BANK1: variants seen among roughly 807,000 people sequenced by gnomAD.
The protein encoded by BANK1 is B-cell scaffold protein with ankyrin repeats.
In BANK1, 95 loss-of-function variants were observed where a neutral mutation model predicts 94.5. The ratio of observed to expected loss-of-function variants is 1.00; its 90% CI spans 0.85 to 1.19. The LOEUF is 1.19. Ranked by LOEUF, BANK1 falls within the 50% of genes most tolerant of loss-of-function variation. The pLI, the probability that BANK1 is intolerant of heterozygous loss-of-function variation, is 0.00. For missense variants in BANK1, 987 were observed against 932.2 expected (o/e 1.06, Z -0.77); for synonymous variants, 334 against 308.4 (o/e 1.08, Z -0.87).
At chr4:102,057,014 A>G (rs181314013) in intron 11 of BANK1, among the ~76,000 whole-genome samples, 2 of 152,192 alleles carry the variant, frequency 1.3e-5, no homozygotes, top group Non-Finnish European at 2.9e-5. Flanking sequence ...AAAAACAAAA[A>G]CAAAATGAAA....
intron 2 of BANK1, among the ~76,000 whole-genome samples, chr4:101,854,297 A>G (rs1433172267): frequency 2.0e-5 from 3 of 152,158 alleles, no homozygotes; most frequent in South Asian, 4.1e-4. Context: ...AACATGATCT[A>G]TTTCTCTTAA....
At chr4:101,899,224 T>A (rs1428849796) in intron 6 of BANK1, among the ~76,000 whole-genome samples, 4 of 151,952 alleles carry the variant, frequency 2.6e-5, no homozygotes, top group Non-Finnish European at 5.9e-5. Context: ...AAAAATGTAG[T>A]CCTGTAAATT....
At chr4:102,000,616 G>T (rs1300696452) in intron 7 of BANK1, among the ~76,000 whole-genome samples, 1 of 151,936 alleles carries the variant, frequency 6.6e-6, no homozygotes, top group Non-Finnish European at 1.5e-5. Context: ...TATGCAAAAG[G>T]AGAAAAAGAA....
At chr4:101,938,499 A>G (rs1441278669) in intron 7 of BANK1, among the ~76,000 whole-genome samples, 1 of 151,636 alleles carries the variant, frequency 6.6e-6, no homozygotes, top group African/African-American at 2.4e-5. Flanking sequence ...GGTGATGGAT[A>G]CCCCATTTAC....
At chr4:101,810,386 A>C (rs563301622) in intron 1 of BANK1, among the ~76,000 whole-genome samples, 9 of 152,334 alleles carry the variant, frequency 5.9e-5, no homozygotes, top group African/African-American at 1.9e-4. Context: ...TGGGCTATGC[A>C]AAAGCAAGAG....
intron 11 of BANK1, among the ~76,000 whole-genome samples, chr4:102,052,204 G>A (rs1333493914): frequency 1.4e-5 from 2 of 140,386 alleles, no homozygotes; most frequent in South Asian, 2.4e-4. Flanking sequence ...TGCAGCCTCC[G>A]CCTCCCGTGT....
At position 101,860,927 on chromosome 4, in the gene BANK1, T is replaced by C. The variant is rs1173334476; in HGVS notation, c.625-1599T>C. 3.3e-5 allele frequency among the ~76,000 whole-genome samples: 5 copies of C among 152,094 alleles called. No individual in the cohort carries two copies. In the East Asian group the frequency reaches 5.8e-4, roughly 18 times the overall value. On this transcript the variant is annotated intron_variant, in intron 3 of 16. Transcript: ENST00000322953. The stretch of plus-strand genomic sequence containing the variant: ...CTTGACTAACTGAGCCCAAGTGAAA[T>C]GGAAAGACATTATTTGGCTCTTAAA...
chr4:101,899,947 G>A lies in BANK1; in HGVS notation c.1009+4537G>A, dbSNP rs542171236. Among the ~76,000 whole-genome samples, 83 of 152,268 alleles carry A rather than the reference G, an allele frequency of 5.5e-4. 2 individuals are homozygous for A. In the South Asian group the frequency reaches 0.017, roughly 30 times the overall value. On this transcript the variant is annotated intron_variant, in intron 6 of 16. Coordinates refer to ENST00000322953, the MANE Select transcript of BANK1 (RefSeq NM_017935.5). ...TCCTGAGTCCAGCTTTAAGGAATAA[G>A]CATTTAGGAATGGTAAGCCCTTCTC...
At chr4:101,986,675 A>G (rs1725490476) in intron 7 of BANK1, among the ~76,000 whole-genome samples, 1 of 150,924 alleles carries the variant, frequency 6.6e-6, no homozygotes, top group South Asian at 2.1e-4. Flanking sequence ...ACCTCATAAA[A>G]TTATTTCTGC....
chr4:101,969,732 C>T (rs913375944), intron 7 of BANK1, among the ~76,000 whole-genome samples: 2 of 151,994 alleles, frequency 1.3e-5, no homozygotes, highest in Non-Finnish European at 1.5e-5. Flanking sequence ...AATGGACACC[C>T]TATTTGTTAC....
At chr4:101,847,322 TATTC>T (rs1418919257) in intron 2 of BANK1, among the ~76,000 whole-genome samples, 2 of 152,136 alleles carry the variant, frequency 1.3e-5, no homozygotes, top group Non-Finnish European at 2.9e-5. Flanking sequence ...TTGTTATTCA[TATTC>T]ATGAGAAGTT....
chr4:101,974,179 T>C (rs985048092), intron 7 of BANK1, among the ~76,000 whole-genome samples: 1 of 152,164 alleles, frequency 6.6e-6, no homozygotes, highest in Non-Finnish European at 1.5e-5. Flanking sequence ...GTAATAATCT[T>C]GTTTTATGTC....
chr4:102,063,007 T>A, intron 12 of BANK1, 68 bp from the exon 13 acceptor site: 1 of 1,256,112 alleles, frequency 8.0e-7, no homozygotes, highest in Non-Finnish European at 1.2e-6. Flanking sequence ...TAATAGTAGT[T>A]GATGTTTTCA....
chr4:102,052,439 T>C (rs1451266548), intron 11 of BANK1, among the ~76,000 whole-genome samples: 1 of 152,028 alleles, frequency 6.6e-6, no homozygotes, highest in Non-Finnish European at 1.5e-5. Flanking sequence ...AACAAACAAG[T>C]AATATGAAAA....
At chr4:101,937,508 A>G (rs1723608266) in intron 7 of BANK1, among the ~76,000 whole-genome samples, 1 of 152,070 alleles carries the variant, frequency 6.6e-6, no homozygotes, top group South Asian at 2.1e-4. Flanking sequence ...ATCACTGGTC[A>G]TTAGAGAAAT....
intron 7 of BANK1, among the ~76,000 whole-genome samples, chr4:101,927,187 C>T (rs1723186311): frequency 6.6e-6 from 1 of 151,638 alleles, no homozygotes; most frequent in Admixed American, 6.6e-5. Flanking sequence ...GAAGGGGAAG[C>T]AGTCGCGTCT....
chr4:101,984,537 G>A (rs1725423008), intron 7 of BANK1, among the ~76,000 whole-genome samples: 1 of 152,046 alleles, frequency 6.6e-6, no homozygotes, highest in South Asian at 2.1e-4. Context: ...AAAGTGCTAA[G>A]TAGTTTTGAA....
chr4:101,953,052 T>G (rs1330033290), intron 7 of BANK1, among the ~76,000 whole-genome samples: 1 of 152,070 alleles, frequency 6.6e-6, no homozygotes, highest in Non-Finnish European at 1.5e-5. Context: ...TACACCTATG[T>G]GAACAGGTGA....
At chr4:102,071,886 G>T (rs1037794126) in intron 14 of BANK1, among the ~76,000 whole-genome samples, 1 of 152,216 alleles carries the variant, frequency 6.6e-6, no homozygotes, top group African/African-American at 2.4e-5. Context: ...CTGTGAGAAT[G>T]AAGAAGCCAT....
Sources: gnomAD v4.1 joint callset for allele counts (sites outside exome capture counted in the v4.1 genomes callset) on GRCh38, gnomAD v4.1.1 for gene constraint, MANE v1.5 for transcripts, NCBI Gene and HGNC (gene_info 2026-07-23, HGNC 2026-07-21) for gene names.